The following MAPK8 variants were observed in gnomAD, a reference collection of about 807,000 sequenced individuals.
MAPK8 encodes the protein JUN N-terminal kinase.
In MAPK8, 13 loss-of-function variants were observed where a neutral mutation model predicts 52.9. The observed-to-expected ratio is 0.25, with a 90% CI of 0.16 to 0.39. The LOEUF (loss-of-function observed/expected upper bound fraction) is 0.39. Among genes scored for constraint, MAPK8 ranks in the 10% least tolerant of loss-of-function variants. The pLI is 1.00. For missense variants in MAPK8, 300 were observed against 519.2 expected (o/e 0.58, Z 4.10); for synonymous variants, 191 against 169.8 (o/e 1.12, Z -0.97).
At chr10:48,332,149 G>A (rs962113148) in intron 1 of MAPK8, among the ~76,000 whole-genome samples, 2 of 152,170 alleles carry the variant, frequency 1.3e-5, no homozygotes, top group African/African-American at 2.4e-5. Flanking sequence ...GGCAGTGGCT[G>A]TTGGAAGGGG....
chr10:48,401,054 G>A (rs1038516191), intron 1 of MAPK8, among the ~76,000 whole-genome samples: 4 of 152,162 alleles, frequency 2.6e-5, no homozygotes, highest in Non-Finnish European at 5.9e-5. Context: ...ACACCAGGAG[G>A]TTGCCTTGGC....
At chr10:48,370,891 A>G (rs2132625239) in intron 1 of MAPK8, among the ~76,000 whole-genome samples, 1 of 152,290 alleles carries the variant, frequency 6.6e-6, no homozygotes, top group East Asian at 1.9e-4. Context: ...GAACCCATAA[A>G]TTTACAAAGA....
chr10:48,324,956 T>TTTTTTTTTTTTG (rs1554810527), intron 1 of MAPK8, among the ~76,000 whole-genome samples: 1 of 151,050 alleles, frequency 6.6e-6, no homozygotes, highest in African/African-American at 2.4e-5. Context: ...GCAAATGGTG[T>TTTTTTTTTTTTG]TTTTTTGTTT....
chr10:48,428,287 C>T (rs1292091664), intron 10 of MAPK8, among the ~76,000 whole-genome samples: 1 of 152,098 alleles, frequency 6.6e-6, no homozygotes, highest in African/African-American at 2.4e-5. Context: ...TTTTAGGTCC[C>T]GTTTACTTCC....
chr10:48,429,573 A>C (rs1397174614), intron 10 of MAPK8, among the ~76,000 whole-genome samples: 1 of 152,194 alleles, frequency 6.6e-6, no homozygotes, highest in Non-Finnish European at 1.5e-5. Flanking sequence ...CTTCTGCCTT[A>C]ATCCCTTTGT....
chr10:48,317,398 C>CAT (rs35788101), intron 1 of MAPK8, among the ~76,000 whole-genome samples: 92,569 of 151,728 alleles, frequency 0.61, 28,735 homozygotes, highest in Middle Eastern at 0.79. Context: ...CTCCTGGCCT[C>CAT]GTGATCTTAC....
intron 1 of MAPK8, among the ~76,000 whole-genome samples, chr10:48,381,546 G>A (rs1321467288): frequency 1.3e-5 from 2 of 152,046 alleles, no homozygotes; most frequent in Non-Finnish European, 2.9e-5. Context: ...ACTGGTTTAT[G>A]TCTGTATTTG....
Position 48,425,207 on chromosome 10 carries a change from A to G in MAPK8, c.689-681A>G, listed in dbSNP as rs746787245. ...GAAGAATGGGAAAAGGCATATTCAC[A>G]AGGTTACAATAAGTGAGTTTTAGGC... On this transcript the variant is annotated intron_variant, in intron 7 of 11. Coordinates refer to ENST00000374189, the MANE Select transcript of MAPK8 (RefSeq NM_001323329.2). 6 of 765,890 alleles carry G rather than the reference A, an allele frequency of 7.8e-6. No individual in the cohort carries two copies. The African/African-American group carries it at 8.5e-5, about 11-fold the overall frequency. 47.4% of individuals were successfully genotyped at this position (765,890 alleles called of 1,614,324 possible).
rs563598992 is a variant in MAPK8 at position 48,309,918 on chromosome 10, A to G, written c.-50+3097A>G. On this transcript the variant is annotated intron_variant, in intron 1 of 11. Transcript: ENST00000374189. Reference sequence around the variant, plus strand: ...TTATAACCACATAGCTTTATATATGAATCATTTGCCTATGTCAGTGAACTG... The same window carrying G: ...TTATAACCACATAGCTTTATATATGGATCATTTGCCTATGTCAGTGAACTG... Among the ~76,000 whole-genome samples, 7 of 152,350 alleles carry G rather than the reference A, an allele frequency of 4.6e-5. No individual in the cohort carries two copies. The East Asian group carries it at 9.6e-4, about 21-fold the overall frequency.
intron 1 of MAPK8, among the ~76,000 whole-genome samples, chr10:48,371,696 G>A (rs902783725): frequency 8.6e-5 from 13 of 152,018 alleles, no homozygotes; most frequent in African/African-American, 3.1e-4. Flanking sequence ...CCGGAAAACA[G>A]CATCAGATCC....
At position 48,437,099 on chromosome 10, in the gene MAPK8, GTATCATT is replaced by G. The variant is rs2044910609; in HGVS notation, c.*2074_*2080del. 1 of 152,190 alleles carries G rather than the reference GTATCATT, an allele frequency of 6.6e-6. No individual in the cohort carries two copies. Among genetic ancestry groups the G allele is most frequent in the East Asian group, 1.9e-4 (1 of 5,202 alleles). The allele number at this position is 152,190 out of a possible 1,614,324, so 9.4% of individuals were successfully genotyped here. Reference sequence around the variant, plus strand: ...AGTAAGGAAAACCAGGTGTGTGTCTGTATCATTTATTGTAAATGCCAGCTGCCACTTG... The same window carrying G: ...AGTAAGGAAAACCAGGTGTGTGTCTGTATTGTAAATGCCAGCTGCCACTTG... On this transcript the variant is annotated 3_prime_UTR_variant, in exon 12 of 12. Coordinates refer to ENST00000374189, the MANE Select transcript of MAPK8 (RefSeq NM_001323329.2).
chr10:48,342,263 C>G (rs549570534), intron 1 of MAPK8, among the ~76,000 whole-genome samples: 3 of 152,202 alleles, frequency 2.0e-5, no homozygotes, highest in African/African-American at 7.2e-5. Flanking sequence ...ACCACCTCGC[C>G]CATCCATTTT....
intron 1 of MAPK8, among the ~76,000 whole-genome samples, chr10:48,370,563 G>A (rs1351406471): frequency 6.6e-6 from 1 of 152,102 alleles, no homozygotes; most frequent in East Asian, 1.9e-4. Flanking sequence ...AGGCCTAGAG[G>A]TCTTATGTGC....
In MAPK8 at chr10:48,435,017, C is replaced by A; in HGVS notation, c.1272C>A (p.Gly424=). 1 of 1,307,546 alleles carries A rather than the reference C, an allele frequency of 7.6e-7. No homozygotes were observed. Among genetic ancestry groups the A allele is most frequent in the South Asian group, 1.2e-5 (1 of 85,532 alleles). The allele number at this position is 1,307,546 out of a possible 1,614,324, so 81.0% of individuals were successfully genotyped here. Residue 424 remains glycine (G), a synonymous_variant, in exon 12 of 12, where the codon GGC becomes GGA. Coordinates refer to ENST00000374189, the MANE Select transcript of MAPK8 (RefSeq NM_001323329.2). ...SSLEAAAGPL[G]CCR is the part of the protein sequence containing the mutation. ...TAGAAGCAGCAGCTGGGCCTCTGGG[C>A]TGCTGTAGATGACTACTTGGGCCAT...
intron 3 of MAPK8, 53 bp downstream of exon 3, chr10:48,405,034 T>C (rs2042386343): frequency 1.6e-6 from 2 of 1,222,648 alleles, no homozygotes; most frequent in African/African-American, 1.5e-5. Context: ...GATTTATTCA[T>C]GAATATGTGA....
rs767178901 is a variant in MAPK8 at position 48,431,246 on chromosome 10, A to T, written c.1114A>T (p.Ile372Leu). Residue 372 changes from isoleucine (I) to leucine (L), a missense_variant, in exon 11 of 12, where the codon ATA (isoleucine) becomes TTA (leucine). Ile to Leu is a conservative substitution (Grantham distance 5). Transcript: ENST00000374189. ...GGAGGAGAGAACCAAGAATGGAGTT[A>T]TACGGGGGCAGCCCTCTCCTTTAGG... The part of the protein sequence containing the change: ...DLEERTKNGV[I>L]RGQPSPLGAA... 6.2e-7 allele frequency: 1 copy of T among 1,611,834 alleles called. No homozygotes were observed.
chr10:48,383,686 G>A (rs1479487166), intron 1 of MAPK8, among the ~76,000 whole-genome samples: 1 of 150,978 alleles, frequency 6.6e-6, no homozygotes, highest in East Asian at 1.9e-4. Flanking sequence ...ATTAGTCCTG[G>A]TTTTGAAAAA....
At chr10:48,318,789 G>A (rs1384273472) in intron 1 of MAPK8, among the ~76,000 whole-genome samples, 1 of 152,194 alleles carries the variant, frequency 6.6e-6, no homozygotes, top group Non-Finnish European at 1.5e-5. Flanking sequence ...TGTCCTCAAT[G>A]AATAAGGAAG....
chr10:48,381,694 A>G (rs1453514059), intron 1 of MAPK8, among the ~76,000 whole-genome samples: 1 of 152,216 alleles, frequency 6.6e-6, no homozygotes, highest in East Asian at 1.9e-4. Context: ...TGTAAAAACA[A>G]AATACCAAAT....
Sources: gnomAD v4.1 joint callset for allele counts (sites outside exome capture counted in the v4.1 genomes callset) on GRCh38, gnomAD v4.1.1 for gene constraint, MANE v1.5 for transcripts, NCBI Gene and HGNC (gene_info 2026-07-23, HGNC 2026-07-21) for gene names.